The following DRC9 variants were observed in gnomAD, a reference collection of about 807,000 sequenced individuals.
DRC9 encodes the protein dynein regulatory complex subunit 9.
chr3:197,926,166 G>T, the DRC9 span: 2 of 890,938 alleles, frequency 2.2e-6, no homozygotes, highest in Non-Finnish European at 1.9e-6. Context: ...ACGTGCACAA[G>T]GACCACCCCG....
chr3:197,910,816 C>G, the DRC9 span, among the ~76,000 whole-genome samples: 76 of 152,014 alleles, frequency 5.0e-4, no homozygotes, highest in African/African-American at 1.8e-3. Flanking sequence ...CCCATCTCTA[C>G]TAAAAATACA....
the DRC9 span, among the ~76,000 whole-genome samples, chr3:197,911,708 C>T: frequency 5.8e-4 from 88 of 151,846 alleles, no homozygotes; most frequent in African/African-American, 1.9e-3. Flanking sequence ...GGCATGATCT[C>T]GGCTCACTGT....
At chr3:197,900,085 G>C in the DRC9 span, among the ~76,000 whole-genome samples, 2 of 152,240 alleles carry the variant, frequency 1.3e-5, no homozygotes, top group African/African-American at 4.8e-5. The surrounding 1 kb of genome is among the most constrained non-coding windows in gnomAD (Gnocchi z 4.7). Flanking sequence ...ACCAGCCCCA[G>C]CCAGAGGAGA....
At chr3:197,907,543 C>A in the DRC9 span, among the ~76,000 whole-genome samples, 2 of 152,220 alleles carry the variant, frequency 1.3e-5, no homozygotes, top group Non-Finnish European at 1.5e-5. Flanking sequence ...ACATGTTTCC[C>A]AGGTTTCTTC....
At chr3:197,938,603 GT>G in the DRC9 span, 2 of 1,614,008 alleles carry the variant, frequency 1.2e-6, no homozygotes, top group African/African-American at 1.3e-5. Context: ...TGCCTTGTAG[GT>G]TTTTTGAAGA....
chr3:197,924,355 G>A, the DRC9 span, among the ~76,000 whole-genome samples: 1 of 151,978 alleles, frequency 6.6e-6, no homozygotes, highest in Admixed American at 6.6e-5. Context: ...TGGACAGGGT[G>A]AGACTCCATC....
the DRC9 span, among the ~76,000 whole-genome samples, chr3:197,940,313 A>G: frequency 6.7e-6 from 1 of 148,686 alleles, no homozygotes; most frequent in African/African-American, 2.5e-5. Flanking sequence ...ATTTACATAT[A>G]TATATATATA....
At chr3:197,949,332 G>A in the DRC9 span, 43,032 of 152,098 alleles carry the variant, frequency 0.28, 9,410 homozygotes, top group African/African-American at 0.62. Context: ...AATCTCTGGC[G>A]TCCACTAATC....
At chr3:197,891,540 T>C in the DRC9 span, 19 of 1,571,796 alleles carry the variant, frequency 1.2e-5, no homozygotes, top group South Asian at 7.8e-5. Context: ...CTGTTCATAC[T>C]CTCTTATCTG....
the DRC9 span, chr3:197,950,280 T>C: frequency 8.1e-7 from 1 of 1,230,320 alleles, no homozygotes; most frequent in Non-Finnish European, 1.0e-6. Context: ...GGTTTGTTCC[T>C]GTGCCTTGGC....
the DRC9 span, among the ~76,000 whole-genome samples, chr3:197,941,927 A>G: frequency 6.6e-6 from 1 of 152,202 alleles, no homozygotes; most frequent in African/African-American, 2.4e-5. Context: ...TGTTAAGATT[A>G]GCCTCTTATT....
the DRC9 span, chr3:197,912,957 G>A: frequency 5.6e-5 from 31 of 558,328 alleles, no homozygotes; most frequent in East Asian, 1.5e-4. Flanking sequence ...CTAACGAGAC[G>A]AGCACAATCC....
the DRC9 span, among the ~76,000 whole-genome samples, chr3:197,897,826 C>T: frequency 0.025 from 3,669 of 144,354 alleles, 150 homozygotes; most frequent in African/African-American, 0.084. Flanking sequence ...GGCTGGAGTG[C>T]GGTGGCCCAA....
chr3:197,934,899 C>T, the DRC9 span, among the ~76,000 whole-genome samples: 1 of 150,436 alleles, frequency 6.6e-6, no homozygotes, highest in Non-Finnish European at 1.5e-5. Context: ...GTGGGAGGGT[C>T]GTTTGAGGCT....
the DRC9 span, chr3:197,952,574 AAT>A: frequency 6.6e-6 from 1 of 151,804 alleles, no homozygotes; most frequent in Non-Finnish European, 1.5e-5. Flanking sequence ...AGCTCACTGT[AAT>A]CTCTGCTTCC....
the DRC9 span, among the ~76,000 whole-genome samples, chr3:197,939,377 G>C: frequency 2.0e-5 from 3 of 152,242 alleles, no homozygotes; most frequent in Non-Finnish European, 4.4e-5. Flanking sequence ...GAGGATCATG[G>C]AGGGAAAAGC....
At chr3:197,950,520 C>T in the DRC9 span, 4 of 306,026 alleles carry the variant, frequency 1.3e-5, no homozygotes, top group Non-Finnish European at 2.3e-5. Flanking sequence ...TCCGTTTCCT[C>T]CCAGTCCATA....
chr3:197,918,167 T>A, the DRC9 span, among the ~76,000 whole-genome samples: 1 of 148,894 alleles, frequency 6.7e-6, no homozygotes, highest in Admixed American at 6.8e-5. Context: ...CGATCTTGGC[T>A]CACTGCAATC....
the DRC9 span, among the ~76,000 whole-genome samples, chr3:197,948,522 G>T: frequency 1.3e-5 from 2 of 152,168 alleles, no homozygotes; most frequent in African/African-American, 4.8e-5. Context: ...AAGTATTTGT[G>T]GAACGAATAA....
Sources: allele counts gnomAD v4.1 joint callset (sites outside exome capture counted in the v4.1 genomes callset), GRCh38; gene constraint gnomAD v4.1.1; non-coding constraint Gnocchi (gnomAD v3.1); transcripts MANE v1.5; gene names NCBI Gene and HGNC (gene_info 2026-07-23, HGNC 2026-07-21).